MPP7: variants seen among roughly 807,000 people sequenced by gnomAD.
MPP7 encodes the protein MAGUK p55 subfamily member 7.
A neutral mutation model predicts 76.5 loss-of-function variants in MPP7; 60 were observed. That is an observed-to-expected ratio of 0.78 (90% confidence interval 0.64 to 0.97). MPP7 has a LOEUF of 0.97. Ranked by LOEUF, MPP7 falls within the 50% of genes least tolerant of loss-of-function variation. The probability of loss-of-function intolerance (pLI) is 0.00; values close to 1 mark genes in which losing one functional copy is unlikely to be tolerated. For missense variants in MPP7, 641 were observed against 694.0 expected (o/e 0.92, Z 0.86); for synonymous variants, 237 against 244.5 (o/e 0.97, Z 0.29).
At position 28,262,220 on chromosome 10, in the gene MPP7, TATATAC is replaced by T. The variant is rs1438409952; in HGVS notation, c.-131-23491_-131-23486del. On this transcript the variant is annotated intron_variant, in intron 1 of 16. Coordinates refer to ENST00000683449, the MANE Select transcript of MPP7 (RefSeq NM_001318170.2). ...ATATATATATATACATATATATATA[TATATAC>T]ATATATATATATATATACATATATA... Among the ~76,000 whole-genome samples, 19 of 49,536 alleles carry T rather than the reference TATATAC, an allele frequency of 3.8e-4. 1 individual carries two copies. The highest frequency in any genetic ancestry group is 2.1e-3 in the African/African-American group (19 of 9,200). 32.5% of individuals were successfully genotyped at this position (49,536 alleles called of 152,430 possible).
intron 1 of MPP7, among the ~76,000 whole-genome samples, chr10:28,252,050 G>T (rs1172625553): frequency 6.6e-6 from 1 of 152,160 alleles, no homozygotes; most frequent in African/African-American, 2.4e-5. Flanking sequence ...GACTACACTT[G>T]AGACAAGACA....
chr10:28,214,314 G>A (rs535619229), intron 2 of MPP7, among the ~76,000 whole-genome samples: 2 of 152,142 alleles, frequency 1.3e-5, no homozygotes, highest in African/African-American at 4.8e-5. Context: ...TTAATTTCCT[G>A]ATGACTGCTA....
At chr10:28,240,140 T>C (rs939344459) in intron 1 of MPP7, among the ~76,000 whole-genome samples, 1 of 152,128 alleles carries the variant, frequency 6.6e-6, no homozygotes, top group Non-Finnish European at 1.5e-5. Flanking sequence ...ATACACTGTG[T>C]TTTAAGTTCA....
intron 3 of MPP7, among the ~76,000 whole-genome samples, chr10:28,162,858 A>ACTCT (rs1169274459): frequency 1.4e-5 from 2 of 145,012 alleles, no homozygotes; most frequent in Non-Finnish European, 3.0e-5. Context: ...TCTTTCTCTC[A>ACTCT]CTCTCTCTCT....
At chr10:28,135,186 G>A (rs1053750234) in intron 5 of MPP7, among the ~76,000 whole-genome samples, 16 of 152,172 alleles carry the variant, frequency 1.1e-4, no homozygotes, top group South Asian at 6.2e-4. Context: ...AAACTCAGTC[G>A]TCTCCTTGAG....
chr10:28,286,085 C>G (rs1840784193), intron 1 of MPP7, among the ~76,000 whole-genome samples: 1 of 152,156 alleles, frequency 6.6e-6, no homozygotes, highest in South Asian at 2.1e-4. Context: ...TGGCTCATGC[C>G]TGTAATCCCA....
intron 1 of MPP7, among the ~76,000 whole-genome samples, chr10:28,298,205 T>G (rs780157503): frequency 3.9e-5 from 6 of 152,234 alleles, no homozygotes; most frequent in Non-Finnish European, 2.9e-5. Context: ...TCTAGAATTG[T>G]GAATCCTTTC....
chr10:28,234,223 C>T (rs1205801810), intron 2 of MPP7, among the ~76,000 whole-genome samples: 2 of 152,100 alleles, frequency 1.3e-5, no homozygotes, highest in Non-Finnish European at 1.5e-5. Context: ...TGGGGGTTAT[C>T]AAGGAAGCCA....
At chr10:28,304,048 G>A (rs1841226245), upstream of MPP7, among the ~76,000 whole-genome samples, 1 of 152,140 alleles carries the variant, frequency 6.6e-6, no homozygotes, top group Admixed American at 6.5e-5. Context: ...AAATTGGAAA[G>A]CTCAGCTGAT....
intron 3 of MPP7, among the ~76,000 whole-genome samples, chr10:28,162,873 T>TTC (rs148627992): frequency 1.1e-4 from 16 of 150,022 alleles, no homozygotes; most frequent in Non-Finnish European, 1.8e-4. Flanking sequence ...CTCTCTCTCT[T>TTC]TCTCTCTCTC....
intron 1 of MPP7, among the ~76,000 whole-genome samples, chr10:28,251,882 A>G (rs1839626129): frequency 6.6e-6 from 1 of 152,046 alleles, no homozygotes; most frequent in Admixed American, 6.6e-5. Flanking sequence ...CACAGTAATG[A>G]CCCCCATCTC....
Position 28,052,976 on chromosome 10 carries a change from A to G in MPP7, c.*1089T>C, listed in dbSNP as rs904090320. ...GAGAACCCATCTAAATATTTACAAT[A>G]TAAGAGTCTTTCCTAAACTTCTTTA... On this transcript the variant is annotated 3_prime_UTR_variant, in exon 17 of 17. Coordinates refer to ENST00000683449, the MANE Select transcript of MPP7 (RefSeq NM_001318170.2). The G allele has an allele frequency of 6.6e-6, 1 of 152,216 alleles. No individual in the cohort carries two copies. The highest frequency in any genetic ancestry group is 2.4e-5 in the African/African-American group (1 of 41,464). The allele number at this position is 152,216 out of a possible 1,614,324, so 9.4% of individuals were successfully genotyped here. A position where few individuals can be genotyped will look rare whatever the true frequency, so the allele number is the denominator to read the frequency against.
intron 3 of MPP7, among the ~76,000 whole-genome samples, chr10:28,167,765 A>G (rs1300170452): frequency 6.6e-6 from 1 of 152,210 alleles, no homozygotes; most frequent in African/African-American, 2.4e-5. Flanking sequence ...CGTTAACATC[A>G]AATGTTTTCT....
Position 28,124,068 on chromosome 10 carries a change from A to T in MPP7, c.578T>A (p.Val193Glu). 3.7e-6 allele frequency: 6 copies of T among 1,612,690 alleles called. No individual in the cohort carries two copies. The highest frequency in any genetic ancestry group is 4.2e-6 in the Non-Finnish European group (5 of 1,178,818). Residue 193 changes from valine (V) to glutamate (E), a missense_variant, in exon 8 of 17, where the codon GTG becomes GAG. Val to Glu is a moderately radical substitution (Grantham distance 121). Coordinates refer to ENST00000683449, the MANE Select transcript of MPP7 (RefSeq NM_001318170.2). The part of the protein sequence containing the change: ...DELREVNGIP[V>E]EDKRPEEIIQ... ...TATTTCCTCAGGCCTTTTATCCTCC[A>T]CTGGTATCCCGTTGACTTCCCTAAG...
At chr10:28,306,782 T>G (rs538451323), upstream of MPP7, among the ~76,000 whole-genome samples, 6 of 152,234 alleles carry the variant, frequency 3.9e-5, no homozygotes, top group South Asian at 6.2e-4. Context: ...AGATGTATAA[T>G]AGAACCCAAA....
At chr10:28,151,754 G>GT (rs1166356904) in intron 3 of MPP7, among the ~76,000 whole-genome samples, 4 of 152,220 alleles carry the variant, frequency 2.6e-5, no homozygotes, top group Non-Finnish European at 4.4e-5. Context: ...CTTGCAGACA[G>GT]TAAGAGGCAG....
intron 2 of MPP7, among the ~76,000 whole-genome samples, chr10:28,212,619 C>T (rs1838176888): frequency 6.6e-6 from 1 of 152,068 alleles, no homozygotes; most frequent in African/African-American, 2.4e-5. Flanking sequence ...AGTGTAGACA[C>T]AGAAGAGAAG....
At chr10:28,312,492 T>TCCAG (rs954798595) in intron 2 of MPP7, among the ~76,000 whole-genome samples, 23 of 152,176 alleles carry the variant, frequency 1.5e-4, no homozygotes, top group African/African-American at 5.6e-4. Flanking sequence ...ATCCAGGAAG[T>TCCAG]CCAGCTGGCT....
chr10:28,185,634 A>C (rs2985521), intron 3 of MPP7, among the ~76,000 whole-genome samples: 125,857 of 152,110 alleles, frequency 0.83, 52,700 homozygotes, highest in African/African-American at 0.89. Flanking sequence ...CCAATCATTT[A>C]ATGATTATTA....
Sources: gnomAD v4.1 joint callset for allele counts (sites outside exome capture counted in the v4.1 genomes callset) on GRCh38, gnomAD v4.1.1 for gene constraint, MANE v1.5 for transcripts, NCBI Gene and HGNC (gene_info 2026-07-23, HGNC 2026-07-21) for gene names.